LRP1B: variants seen among roughly 807,000 people sequenced by gnomAD.
LRP1B encodes the protein LDL receptor related protein 1B, also known as low-density lipoprotein receptor-related protein 1B.
In LRP1B, 217 loss-of-function variants were observed where a neutral mutation model predicts 556.6. The observed-to-expected ratio is 0.39, with a 90% CI of 0.35 to 0.44. The LOEUF (loss-of-function observed/expected upper bound fraction) is 0.44, where lower values mean the gene tolerates loss of function less well. Among genes scored for constraint, LRP1B ranks in the 20% least tolerant of loss-of-function variants. The pLI is 1.00. For missense variants in LRP1B, 5,053 were observed against 5,620.8 expected (o/e 0.90, Z 3.23); for synonymous variants, 2,047 against 1,865.8 (o/e 1.10, Z -2.50).
intron 7 of LRP1B, among the ~76,000 whole-genome samples, chr2:141,159,405 G>A (rs1702149042): frequency 6.6e-6 from 1 of 151,866 alleles, no homozygotes; most frequent in African/African-American, 2.4e-5. Context: ...TTTTTTGTTT[G>A]TTTGTTTTTA....
At chr2:141,360,217 G>T (rs1222855773) in intron 3 of LRP1B, among the ~76,000 whole-genome samples, 2 of 152,148 alleles carry the variant, frequency 1.3e-5, no homozygotes, top group African/African-American at 2.4e-5. Context: ...AAAAGCAATC[G>T]TTGTAAGCCA....
At chr2:140,311,258 G>A (rs1348560116) in intron 83 of LRP1B, among the ~76,000 whole-genome samples, 2 of 151,816 alleles carry the variant, frequency 1.3e-5, no homozygotes, top group East Asian at 3.9e-4. Flanking sequence ...TTCACAACAG[G>A]AAAAATATGC....
At chr2:140,512,588 C>T (rs1299823385) in intron 51 of LRP1B, among the ~76,000 whole-genome samples, 2 of 152,100 alleles carry the variant, frequency 1.3e-5, no homozygotes, top group African/African-American at 2.4e-5. Context: ...TGAGTGACCT[C>T]AGGAAAATGT....
rs1353156460 is a variant in LRP1B at position 140,514,755 on chromosome 2, T to C, written c.8167A>G (p.Asn2723Asp). The C allele has an allele frequency of 6.2e-7, 1 of 1,610,468 alleles. No individual in the cohort carries two copies. Among genetic ancestry groups the C allele is most frequent in the Non-Finnish European group, 8.5e-7 (1 of 1,177,872 alleles). ...EFHCDSSCSWNQFACSAQKCI... is the reference protein window; with the variant it reads ...EFHCDSSCSWDQFACSAQKCI... ...TTTTGTGCGGAACAAGCAAATTGGT[T>C]CCAAGAGCAAGAAGAATCTAGGAAA... Residue 2723 changes from asparagine to aspartate, a missense_variant, in exon 51 of 91, where the codon AAC becomes GAC. This residue lies in a region of LRP1B where 3,619 missense variants were observed against 3,931.9 expected (regional missense o/e 0.92). Transcript: ENST00000389484.
chr2:141,021,566 C>T (rs1181100486), intron 11 of LRP1B, among the ~76,000 whole-genome samples: 1 of 151,908 alleles, frequency 6.6e-6, no homozygotes, highest in African/African-American at 2.4e-5. Flanking sequence ...GTTATTTACC[C>T]TTTTCTATTT....
intron 1 of LRP1B, among the ~76,000 whole-genome samples, chr2:141,966,734 ACCTGACTCT>A (rs1701576728): frequency 6.6e-6 from 1 of 151,776 alleles, no homozygotes; most frequent in African/African-American, 2.4e-5. Context: ...CCTGGAATCT[ACCTGACTCT>A]ACTATACTTC....
At chr2:141,085,200 C>T (rs1027187947) in intron 7 of LRP1B, among the ~76,000 whole-genome samples, 2 of 152,006 alleles carry the variant, frequency 1.3e-5, no homozygotes, top group African/African-American at 4.8e-5. Context: ...TATAGACAAA[C>T]ATTTTTTTCC....
At chr2:140,715,860 A>G (rs1030885225) in intron 37 of LRP1B, 113 bp downstream of exon 37, 8 of 811,764 alleles carry the variant, frequency 9.9e-6, no homozygotes, top group Non-Finnish European at 1.5e-5. Flanking sequence ...TGCTTAGGTA[A>G]GATATTCTTG....
intron 33 of LRP1B, among the ~76,000 whole-genome samples, chr2:140,775,087 C>A (rs12691565): frequency 0.88 from 133,540 of 151,974 alleles, 58,975 homozygotes; most frequent in East Asian, 1. Context: ...TTTATGAATA[C>A]GTAATATGTT....
At chr2:141,905,804 T>TGTGTGG (rs1339360329) in intron 1 of LRP1B, among the ~76,000 whole-genome samples, 1 of 146,902 alleles carries the variant, frequency 6.8e-6, no homozygotes, top group East Asian at 2.0e-4. Context: ...TGTGTGTGTG[T>TGTGTGG]GGCTAGGTGT....
chr2:140,233,411 T>C, intron 90 of LRP1B, 85 bp from the exon 91 acceptor site: 5 of 868,898 alleles, frequency 5.8e-6, no homozygotes, highest in Non-Finnish European at 8.4e-6. Context: ...CATCTCCTAA[T>C]CGTAACAATA....
chr2:141,215,297 G>A (rs1682752348), intron 6 of LRP1B, among the ~76,000 whole-genome samples: 1 of 152,174 alleles, frequency 6.6e-6, no homozygotes, highest in Admixed American at 6.5e-5. Context: ...TTCCTGTACA[G>A]CCTGCAGAAC....
At chr2:140,944,506 AG>A (rs1033082902) in intron 20 of LRP1B, among the ~76,000 whole-genome samples, 1 of 152,150 alleles carries the variant, frequency 6.6e-6, no homozygotes, top group Admixed American at 6.6e-5. Flanking sequence ...CAGACACAAA[AG>A]TCCTCAACAA....
chr2:142,082,489 C>A (rs1705756719), intron 1 of LRP1B, among the ~76,000 whole-genome samples: 2 of 152,202 alleles, frequency 1.3e-5, no homozygotes, highest in South Asian at 4.1e-4. Context: ...AAGTCCAGCC[C>A]TAAGATGACA....
chr2:141,975,691 A>C (rs1054497414), intron 1 of LRP1B, among the ~76,000 whole-genome samples: 1 of 152,094 alleles, frequency 6.6e-6, no homozygotes, highest in Non-Finnish European at 1.5e-5. Flanking sequence ...CCTGCAAGTG[A>C]CCAGGCATTA....
intron 11 of LRP1B, among the ~76,000 whole-genome samples, chr2:141,022,890 T>A (rs1698105502): frequency 6.6e-6 from 1 of 151,926 alleles, no homozygotes; most frequent in Non-Finnish European, 1.5e-5. Context: ...ATTGCATAAC[T>A]AATAGCAAAC....
chr2:140,531,732 C>T (rs548758950), intron 47 of LRP1B, among the ~76,000 whole-genome samples: 2 of 152,164 alleles, frequency 1.3e-5, no homozygotes, highest in Admixed American at 6.6e-5. Flanking sequence ...TCTTGCTTTC[C>T]TCTACTGTTC....
At chr2:140,832,061 T>C (rs1018875443) in intron 31 of LRP1B, among the ~76,000 whole-genome samples, 3 of 152,114 alleles carry the variant, frequency 2.0e-5, no homozygotes, top group African/African-American at 4.8e-5. Context: ...CACTCCTATG[T>C]TGTTGGTGGG....
intron 41 of LRP1B, among the ~76,000 whole-genome samples, chr2:140,669,633 T>C (rs1277311855): frequency 6.6e-6 from 1 of 152,138 alleles, no homozygotes; most frequent in Non-Finnish European, 1.5e-5. Context: ...AGTATATAAC[T>C]GTTACTTTTA....
Sources: allele counts gnomAD v4.1 joint callset (sites outside exome capture counted in the v4.1 genomes callset), GRCh38; gene constraint gnomAD v4.1.1; regional missense constraint gnomAD v4.1.1; transcripts MANE v1.5; gene names NCBI Gene and HGNC (gene_info 2026-07-23, HGNC 2026-07-21).